KDR: variants seen among roughly 807,000 people sequenced by gnomAD.
The protein encoded by KDR is vascular endothelial growth factor receptor 2.
A neutral mutation model predicts 160.9 loss-of-function variants in KDR; 43 were observed. That is an observed-to-expected ratio of 0.27 (90% CI 0.21 to 0.34). The LOEUF (loss-of-function observed/expected upper bound fraction) is 0.34, where lower values mean the gene tolerates loss of function less well. KDR is among the 10% of genes least tolerant of loss of function. KDR has a pLI of 1.00. For synonymous variants in KDR, 617 were observed against 600.1 expected (o/e 1.03, Z -0.41); for missense variants, 1,469 against 1,666.4 (o/e 0.88, Z 2.06).
rs756605099 is a variant in KDR, at chr4:55,089,786, T to C, written c.3209A>G (p.Lys1070Arg). 2 of 1,613,942 alleles carry C rather than the reference T, an allele frequency of 1.2e-6. No homozygotes were observed. The highest frequency in any genetic ancestry group is 2.7e-5 in the African/African-American group (2 of 74,908). ...VRKGDARLPL[K>R]WMAPETIFDR... is the part of the protein sequence containing the mutation. ...AAAAATTGTTTCTGGGGCCATCCAT[T>C]TCAAAGGGAGGCGAGCCTACAGGGG... The change falls in exon 24 of 30, where the codon AAA (lysine) becomes AGA (arginine). Residue 1070 changes from lysine (K) to arginine (R), a missense_variant. Lys to Arg is a conservative substitution (Grantham distance 26). Around this residue, in one of 7 missense-constraint regions of KDR, gnomAD observed 132 missense variants for 195.9 expected, o/e 0.67. Coordinates refer to ENST00000263923, the MANE Select transcript of KDR (RefSeq NM_002253.4).
At chr4:55,118,869 G>C (rs749321034) in intron 2 of KDR, 69 bp from the exon 3 acceptor site, 1 of 1,398,478 alleles carries the variant, frequency 7.2e-7, no homozygotes, top group South Asian at 1.2e-5. Context: ...TAAGAAAAGA[G>C]AAAATTTGGT....
rs763547535 is a variant in KDR at position 55,106,836 on chromosome 4, A to G, written c.1413-26T>C. ...CTATAAGAAAGAGATAACAGCGCATATTATGATTTAATTTTTCTTTAATTA... is the reference window on the plus strand; with the variant it reads ...CTATAAGAAAGAGATAACAGCGCATGTTATGATTTAATTTTTCTTTAATTA... On this transcript the variant is annotated intron_variant, in intron 10 of 29. Coordinates refer to ENST00000263923, the MANE Select transcript of KDR (RefSeq NM_002253.4). 4.2e-5 allele frequency: 67 copies of G among 1,590,852 alleles called. 1 individual carries two copies. In the South Asian group the frequency reaches 6.8e-4, roughly 16 times the overall value.
At chr4:55,108,812 A>C (rs777018428) in intron 9 of KDR, among the ~76,000 whole-genome samples, 14 of 151,576 alleles carry the variant, frequency 9.2e-5, no homozygotes, top group Non-Finnish European at 1.8e-4. Context: ...CTCCAAAGTC[A>C]AAACTATTTC....
At chr4:55,083,636 T>C (rs1719789631) in intron 27 of KDR, among the ~76,000 whole-genome samples, 1 of 147,230 alleles carries the variant, frequency 6.8e-6, no homozygotes, top group Non-Finnish European at 1.5e-5. Context: ...GGAAGGGAAG[T>C]CCTATTCACT....
chr4:55,107,494 G>A (rs1490958697), intron 10 of KDR, among the ~76,000 whole-genome samples: 1 of 152,142 alleles, frequency 6.6e-6, no homozygotes, highest in Non-Finnish European at 1.5e-5. Context: ...CCTGTGTTTG[G>A]AGAAGTGTAC....
At chr4:55,081,384 T>G (rs755507602) in intron 29 of KDR, among the ~76,000 whole-genome samples, 5 of 152,174 alleles carry the variant, frequency 3.3e-5, no homozygotes, top group Non-Finnish European at 7.4e-5. Context: ...TTTCATTGAT[T>G]TGTTATGTTA....
intron 12 of KDR, among the ~76,000 whole-genome samples, 172 bp from the exon 13 acceptor site, chr4:55,105,156 T>C (rs1466143591): frequency 2.6e-5 from 4 of 152,166 alleles, no homozygotes; most frequent in Admixed American, 6.6e-5. Context: ...CCAAAATATC[T>C]TATTTGGCCA....
intron 18 of KDR, chr4:55,096,711 T>A (rs941800896): frequency 9.3e-6 from 3 of 321,866 alleles, no homozygotes; most frequent in Non-Finnish European, 1.8e-5. Flanking sequence ...CACTTCCTCA[T>A]AAGGAAGCAA....
Position 55,079,809 on chromosome 4 carries a change from C to CCT in KDR, c.*131_*132insAG. On this transcript the variant is annotated 3_prime_UTR_variant, in exon 30 of 30. Coordinates refer to ENST00000263923, the MANE Select transcript of KDR (RefSeq NM_002253.4). Reference sequence around the variant, plus strand: ...CCTAGAAGACTGGCTCCCTGCAGTCCGAGGTCCTTTTTCTGTTGTCGAAAT... The same window carrying CCT: ...CCTAGAAGACTGGCTCCCTGCAGTCCCTGAGGTCCTTTTTCTGTTGTCGAAAT... The CCT allele has an allele frequency of 1.2e-6, 1 of 816,778 alleles. No homozygotes were observed. The highest frequency in any genetic ancestry group is 2.1e-6 in the Non-Finnish European group (1 of 474,966). The allele number at this position is 816,778 out of a possible 1,614,324, so 50.6% of individuals were successfully genotyped here.
rs1037374445 is a variant in KDR at position 55,098,557 on chromosome 4, G to A, written c.2373+140C>T. On this transcript the variant is annotated intron_variant, in intron 16 of 29. Coordinates refer to ENST00000263923, the MANE Select transcript of KDR (RefSeq NM_002253.4). ...CTGAGATCCAGCCAAAAGAAAGTGG[G>A]CAGGAACGTTATTGTATTGAAATAA... The A allele has an allele frequency of 5.3e-6, 4 of 759,324 alleles. No individual in the cohort carries two copies. The African/African-American group carries it at 7.0e-5, about 13-fold the overall frequency. The allele number at this position is 759,324 out of a possible 1,614,324, so 47.0% of individuals were successfully genotyped here. A position where few individuals can be genotyped will look rare whatever the true frequency, so the allele number is the denominator to read the frequency against.
At position 55,101,952 on chromosome 4, in the gene KDR, G is replaced by A. The variant is rs1720321114; in HGVS notation, c.2211C>T (p.Cys737=). 6.2e-7 allele frequency: 1 copy of A among 1,613,674 alleles called. No homozygotes were observed. The highest frequency in any genetic ancestry group is 8.5e-7 in the Non-Finnish European group (1 of 1,179,740). ...CACAGCCAAGAACACTGCATGCCTG[G>A]CAGGTGTAGAGGCCTTCGTCCTCCT... The part of the protein sequence containing the change: ...VRKEDEGLYT[C]QACSVLGCAK... The change falls in exon 15 of 30, where the codon TGC becomes TGT. Residue 737 remains cysteine, a synonymous_variant. Transcript: ENST00000263923.
At chr4:55,091,969 C>G (rs1281290160) in intron 22 of KDR, among the ~76,000 whole-genome samples, 1 of 152,130 alleles carries the variant, frequency 6.6e-6, no homozygotes, top group Non-Finnish European at 1.5e-5. Flanking sequence ...TCATCTGAAG[C>G]CTGTCCTTCC....
chr4:55,092,073 A>G (rs77527870), intron 22 of KDR, among the ~76,000 whole-genome samples: 11,366 of 152,288 alleles, frequency 0.075, 592 homozygotes, highest in Middle Eastern at 0.16. Context: ...GATATCTGTA[A>G]GGCTCAGCCC....
chr4:55,098,031 T>A, intron 17 of KDR, 106 bp downstream of exon 17: 3 of 1,435,994 alleles, frequency 2.1e-6, no homozygotes, highest in Non-Finnish European at 2.9e-6. Context: ...TTAATATTTC[T>A]AAACCAGAAT....
chr4:55,113,299 C>CT lies in KDR; in HGVS notation c.976+4dup. 4 of 1,613,624 alleles carry CT rather than the reference C, an allele frequency of 2.5e-6. No homozygotes were observed. The highest frequency in any genetic ancestry group is 3.4e-6 in the Non-Finnish European group (4 of 1,179,538). On this transcript the variant is annotated splice_donor_region_variant and intron_variant, in intron 7 of 29. Coordinates refer to ENST00000263923, the MANE Select transcript of KDR (RefSeq NM_002253.4). The stretch of plus-strand genomic sequence containing the variant: ...CACAGAATAATTTCCAAGACCATAG[C>CT]TTACCATGGACCCTGACAAATGTGC...
chr4:55,100,718 C>A (rs6828672), intron 15 of KDR, among the ~76,000 whole-genome samples: 1 of 152,070 alleles, frequency 6.6e-6, no homozygotes, highest in East Asian at 1.9e-4. Context: ...GTCAACATAT[C>A]TCGATGCAAT....
chr4:55,089,216 A>C (rs999751695), intron 25 of KDR, among the ~76,000 whole-genome samples, 158 bp downstream of exon 25: 8 of 152,212 alleles, frequency 5.3e-5, no homozygotes, highest in Non-Finnish European at 8.8e-5. Flanking sequence ...CTTTTCAAGA[A>C]GTGATGACTC....
At chr4:55,112,794 T>G (rs1720627368) in intron 7 of KDR, among the ~76,000 whole-genome samples, 1 of 152,036 alleles carries the variant, frequency 6.6e-6, no homozygotes, top group Non-Finnish European at 1.5e-5. Flanking sequence ...ACTCCCAAAG[T>G]GTTGGGATTA....
intron 1 of KDR, among the ~76,000 whole-genome samples, chr4:55,122,276 T>G (rs973751359): frequency 6.6e-6 from 1 of 152,082 alleles, no homozygotes; most frequent in African/African-American, 2.4e-5. Flanking sequence ...TGAAAAAGCA[T>G]GAGAGAAAGA....
Sources: allele counts gnomAD v4.1 joint callset (sites outside exome capture counted in the v4.1 genomes callset), GRCh38; gene constraint gnomAD v4.1.1; regional missense constraint gnomAD v4.1.1; transcripts MANE v1.5; gene names NCBI Gene and HGNC (gene_info 2026-07-23, HGNC 2026-07-21).